Variants in CDC42BPA observed in about 807,000 individuals in gnomAD.
The protein encoded by CDC42BPA is serine/threonine-protein kinase MRCK alpha.
In CDC42BPA, 80 loss-of-function variants were observed where a neutral mutation model predicts 223.5. That is an observed-to-expected ratio of 0.36 (90% CI 0.30 to 0.43). The LOEUF is 0.43. Among genes scored for constraint, CDC42BPA ranks in the 20% least tolerant of loss-of-function variants. The probability of loss-of-function intolerance (pLI) is 1.00; values close to 1 mark genes in which losing one functional copy is unlikely to be tolerated. For synonymous variants in CDC42BPA, 694 were observed against 718.6 expected, an observed-to-expected ratio of 0.97 and a Z score of 0.55; for missense variants, 1,743 against 2,099.9, an observed-to-expected ratio of 0.83 and a Z score of 3.32.
intron 31 of CDC42BPA, among the ~76,000 whole-genome samples, chr1:227,024,874 G>A (rs1014870281): frequency 2.0e-5 from 3 of 152,208 alleles, no homozygotes; most frequent in African/African-American, 7.2e-5. Context: ...AGGTTCATGA[G>A]TGATCAGTTT....
intron 14 of CDC42BPA, among the ~76,000 whole-genome samples, chr1:227,107,963 A>G (rs1384826292): frequency 1.3e-5 from 2 of 151,868 alleles, no homozygotes. Flanking sequence ...TATTTGCAAC[A>G]TCTCTCTCTC....
intron 23 of CDC42BPA, among the ~76,000 whole-genome samples, chr1:227,047,558 T>TG (rs1445435434): frequency 1.3e-5 from 2 of 151,980 alleles, no homozygotes; most frequent in East Asian, 1.9e-4. Flanking sequence ...TCAAATAGAA[T>TG]GGGAAAAAAA....
chr1:227,144,574 C>CAAAAAAAAAAAAAA (rs57568297), intron 8 of CDC42BPA, among the ~76,000 whole-genome samples: 13 of 63,486 alleles, frequency 2.0e-4, no homozygotes, highest in East Asian at 5.9e-4. Context: ...GACTCTGTCT[C>CAAAAAAAAAAAAAA]AAAAAAAAAA....
Position 227,317,091 on chromosome 1 carries a change from A to T in CDC42BPA, c.92T>A (p.Leu31Ter). 6.2e-7 allele frequency: 1 copy of T among 1,614,018 alleles called. No homozygotes were observed. Among genetic ancestry groups the T allele is most frequent in the Non-Finnish European group, 8.5e-7 (1 of 1,179,882 alleles). Residue 31 changes from leucine to a stop codon, truncating the protein, a stop_gained, in exon 1 of 37, where the codon TTA (leucine) becomes TAA (stop). Transcript: ENST00000366766. LOFTEE classifies it high-confidence loss of function. The stretch of plus-strand genomic sequence containing the variant: ...ATAAAGGCAGATGAGTATATCCAGT[A>T]ATGTCTCCACACTGAAGCACTGCCC... ...TNGQCFSVET[L>*]LDILICLYDE...
intron 15 of CDC42BPA, among the ~76,000 whole-genome samples, chr1:227,095,589 G>GTT (rs35570582): frequency 9.4e-5 from 12 of 127,548 alleles, no homozygotes; most frequent in East Asian, 2.3e-4. Flanking sequence ...AAGTTCTTTG[G>GTT]TTTTTTTTTT....
chr1:227,089,067 T>G (rs942870250), intron 16 of CDC42BPA, among the ~76,000 whole-genome samples: 1 of 152,186 alleles, frequency 6.6e-6, no homozygotes, highest in African/African-American at 2.4e-5. Flanking sequence ...GTTTATAAGA[T>G]TTACAAAAAT....
intron 8 of CDC42BPA, among the ~76,000 whole-genome samples, chr1:227,143,769 T>C (rs1218701485): frequency 2.0e-5 from 3 of 152,198 alleles, no homozygotes; most frequent in African/African-American, 7.2e-5. Flanking sequence ...CAAGACTATA[T>C]ATTGATCAGT....
In CDC42BPA at chr1:227,281,431, C is replaced by T. The variant is rs78188900; in HGVS notation, c.179-27276G>A. Among the ~76,000 whole-genome samples, 201 of 152,284 alleles carry T rather than the reference C, an allele frequency of 1.3e-3. 4 individuals carry two copies. In the East Asian group the frequency reaches 0.035, roughly 27 times the overall value. On this transcript the variant is annotated intron_variant, in intron 1 of 36. Transcript: ENST00000366766. ...CTCCAACCTGTACAACTGCCAGCCC[C>T]ATTCCAGGTCCTGTGATTTCAGGCA...
At position 227,145,641 on chromosome 1, in the gene CDC42BPA, G is replaced by C; in HGVS notation, c.991C>G (p.Gln331Glu). 1 of 1,613,684 alleles carries C rather than the reference G, an allele frequency of 6.2e-7. No individual in the cohort carries two copies. Among genetic ancestry groups the C allele is most frequent in the Non-Finnish European group, 8.5e-7 (1 of 1,179,796 alleles). The change falls in exon 8 of 37, where the codon CAA (glutamine) becomes GAA (glutamate). Residue 331 changes from glutamine to glutamate, a missense_variant. Gln to Glu is a conservative substitution (Grantham distance 29, BLOSUM62 2). This residue lies in a region of CDC42BPA where 321 missense variants were observed against 488.7 expected (regional missense o/e 0.66). Coordinates refer to ENST00000366766, the MANE Select transcript of CDC42BPA (RefSeq NM_001394014.1). ...TTCTTAAAGTCTTCTATTCCATTTT[G>C]ACCAAGTCGATGTTCTCTGCTACAA... ...LICSREHRLG[Q>E]NGIEDFKKHP...
In CDC42BPA at chr1:226,994,339, T is replaced by G. The variant is rs2148207835; in HGVS notation, c.5194A>C (p.Ser1732Arg). Reference sequence around the variant, plus strand: ...TTGGTTTTTCGGGGTGAAGCTGGGCTTGGGGGGCTGCTTAGGTTGGAACTG... The same window carrying G: ...TTGGTTTTTCGGGGTGAAGCTGGGCGTGGGGGGCTGCTTAGGTTGGAACTG... ...SNSSNLSSPP[S>R]PASPRKTKSL... The change falls in exon 37 of 37, where the codon AGC becomes CGC. Residue 1732 changes from serine to arginine, a missense_variant. This residue lies in a region of CDC42BPA where 200 missense variants were observed against 192.8 expected (regional missense o/e 1.04). Transcript: ENST00000366766. This position sits in a 1 kb window ranked among gnomAD's most constrained non-coding sequence, Gnocchi z 4.0. The G allele has an allele frequency of 6.3e-7, 1 of 1,597,758 alleles. No homozygotes were observed.
At chr1:227,103,050 C>T (rs1685315284) in intron 14 of CDC42BPA, among the ~76,000 whole-genome samples, 1 of 152,020 alleles carries the variant, frequency 6.6e-6, no homozygotes, top group African/African-American at 2.4e-5. Context: ...ATCAGAGATA[C>T]ATCGAGTAAA....
chr1:227,191,732 C>T (rs1669745308), intron 5 of CDC42BPA, among the ~76,000 whole-genome samples: 1 of 151,990 alleles, frequency 6.6e-6, no homozygotes. Flanking sequence ...AATGATAGTC[C>T]TCAGCTAGGA....
At chr1:227,209,825 G>T (rs1376311665) in intron 3 of CDC42BPA, among the ~76,000 whole-genome samples, 2 of 150,576 alleles carry the variant, frequency 1.3e-5, no homozygotes, top group Non-Finnish European at 3.0e-5. Flanking sequence ...TCTCTTTTTT[G>T]GTTGTGTCTC....
chr1:227,232,842 T>A (rs565814866), intron 2 of CDC42BPA, among the ~76,000 whole-genome samples: 53 of 152,342 alleles, frequency 3.5e-4, no homozygotes, highest in African/African-American at 8.9e-4. Context: ...TGTCTCCCAG[T>A]TAGGCTACTC....
intron 1 of CDC42BPA, among the ~76,000 whole-genome samples, chr1:227,284,830 T>C (rs1457354945): frequency 2.6e-5 from 4 of 151,916 alleles, no homozygotes; most frequent in African/African-American, 7.3e-5. Context: ...GGCATGATGG[T>C]ACACGTCTGT....
At chr1:227,015,878 T>G (rs766071477) in intron 34 of CDC42BPA, among the ~76,000 whole-genome samples, 1 of 152,234 alleles carries the variant, frequency 6.6e-6, no homozygotes, top group African/African-American at 2.4e-5. Context: ...CCTGATTTGT[T>G]TGGCTTTTGA....
At chr1:227,270,874 A>G (rs1212517039) in intron 1 of CDC42BPA, among the ~76,000 whole-genome samples, 1 of 152,170 alleles carries the variant, frequency 6.6e-6, no homozygotes, top group Non-Finnish European at 1.5e-5. Flanking sequence ...CATGTTTTCA[A>G]GGTTCAGTGA....
intron 1 of CDC42BPA, among the ~76,000 whole-genome samples, chr1:227,294,582 C>A (rs1386187135): frequency 1.4e-5 from 1 of 73,002 alleles, no homozygotes; most frequent in African/African-American, 5.6e-5. Flanking sequence ...GTTAATTGGC[C>A]GGGCGCGGTG....
chr1:227,244,720 C>T (rs941534727), intron 2 of CDC42BPA, among the ~76,000 whole-genome samples: 3 of 152,216 alleles, frequency 2.0e-5, no homozygotes, highest in African/African-American at 7.2e-5. Flanking sequence ...AGAACCAAAA[C>T]TCAGGTAAGC....
Sources: gnomAD v4.1 joint callset for allele counts (sites outside exome capture counted in the v4.1 genomes callset) on GRCh38, gnomAD v4.1.1 for gene constraint, gnomAD v4.1.1 regional missense constraint, Gnocchi (gnomAD v3.1) non-coding constraint, MANE v1.5 for transcripts, NCBI Gene and HGNC (gene_info 2026-07-23, HGNC 2026-07-21) for gene names.